TRIML2: variants seen among roughly 807,000 people sequenced by gnomAD.
TRIML2 encodes tripartite motif family like 2.
In TRIML2, 28 loss-of-function variants were observed where a neutral mutation model predicts 31.2. The ratio of observed to expected loss-of-function variants is 0.90; its 90% confidence interval spans 0.66 to 1.23. The LOEUF (loss-of-function observed/expected upper bound fraction) is 1.23. Among genes scored for constraint, TRIML2 ranks in the 50% most tolerant of loss-of-function variants. The pLI is 0.00. For synonymous variants in TRIML2, 187 were observed against 197.5 expected, an observed-to-expected ratio of 0.95 and a Z score of 0.45; for missense variants, 536 against 528.3, an observed-to-expected ratio of 1.01 and a Z score of -0.14.
chr4:188,107,676 A>C (rs1734097403), intron 1 of TRIML2, among the ~76,000 whole-genome samples: 1 of 152,188 alleles, frequency 6.6e-6, no homozygotes, highest in South Asian at 2.1e-4. Context: ...TTATATTATT[A>C]ATATGTCTAA....
rs765614461 is a variant in TRIML2 at position 188,101,126 on chromosome 4, C to G, written c.410G>C (p.Arg137Thr). 3 of 1,613,846 alleles carry G rather than the reference C, an allele frequency of 1.9e-6. No individual in the cohort carries two copies. Among genetic ancestry groups the G allele is most frequent in the Non-Finnish European group, 2.5e-6 (3 of 1,179,926 alleles). The change falls in exon 4 of 8, where the codon AGA (arginine) becomes ACA (threonine). Residue 137 changes from arginine to threonine, a missense_variant. By Grantham distance (71) the Arg-to-Thr change is moderately conservative. Coordinates refer to ENST00000682553, the MANE Select transcript of TRIML2 (RefSeq NM_173553.4). ...QQECISDLNL[R>T]ETLLNQAIKL... is the part of the protein sequence containing the mutation. The stretch of plus-strand genomic sequence containing the variant: ...GATCGCTTGATTCAGAAGGGTTTCT[C>G]TCAGGTTCAAGTCAGATATGCATTC...
At chr4:188,100,701 A>T (rs755625641) in intron 4 of TRIML2, among the ~76,000 whole-genome samples, 8 of 152,070 alleles carry the variant, frequency 5.3e-5, no homozygotes, top group Non-Finnish European at 1.2e-4. Flanking sequence ...CAGCCTGGAG[A>T]CAGAGCCAGA....
At chr4:188,092,705 A>G in intron 7 of TRIML2, 1 of 448,898 alleles carries the variant, frequency 2.2e-6, no homozygotes, top group Non-Finnish European at 4.5e-6. Context: ...ATTGCTGACA[A>G]CAGGCCCTGG....
Position 188,097,140 on chromosome 4 carries a change from C to T in TRIML2, c.666G>A (p.Glu222=). 1 of 1,614,084 alleles carries T rather than the reference C, an allele frequency of 6.2e-7. No individual in the cohort carries two copies. The change falls in exon 7 of 8, where the codon GAG becomes GAA. Residue 222 remains glutamate, a synonymous_variant. Transcript: ENST00000682553. ...CTGTGATATGAGCGGGCTCCAGATG[C>T]TCAAGCAGCAGTGACTTGCTCCTGA... ...SLERSKSLLL[E]HLEPAHITDL...
intron 3 of TRIML2, among the ~76,000 whole-genome samples, chr4:188,103,005 G>GTTTTTTTTT (rs145048322): frequency 2.0e-5 from 2 of 97,844 alleles, no homozygotes; most frequent in Non-Finnish European, 1.9e-5. Flanking sequence ...TACTCTCTTG[G>GTTTTTTTTT]TTTTTTTTTT....
intron 4 of TRIML2, among the ~76,000 whole-genome samples, chr4:188,100,419 C>T (rs1405544777): frequency 6.6e-6 from 1 of 152,162 alleles, no homozygotes; most frequent in Non-Finnish European, 1.5e-5. Flanking sequence ...CTCCATTCAT[C>T]CGGCTTCAAA....
intron 5 of TRIML2, among the ~76,000 whole-genome samples, chr4:188,097,663 A>C (rs993071798): frequency 1.4e-4 from 21 of 152,132 alleles, no homozygotes; most frequent in African/African-American, 4.6e-4. Flanking sequence ...AGAGTTCAGC[A>C]GGTGAAGGGG....
chr4:188,098,166 G>A (rs1353182484), intron 5 of TRIML2: 6 of 352,152 alleles, frequency 1.7e-5, no homozygotes, highest in Admixed American at 3.5e-5. Flanking sequence ...GAAAGGCAAC[G>A]TATGTTACTA....
Position 188,101,351 on chromosome 4 carries a change from A to G in TRIML2, c.286-101T>C. The G allele has an allele frequency of 8.0e-6, 5 of 628,734 alleles. No individual in the cohort carries two copies. In the East Asian group the frequency reaches 1.4e-4, roughly 18 times the overall value. The allele number at this position is 628,734 out of a possible 1,614,324, so 38.9% of individuals were successfully genotyped here. A position where few individuals can be genotyped will look rare whatever the true frequency, so the allele number is the denominator to read the frequency against. Reference sequence around the variant, plus strand: ...GATATCTATATCTATATATAGATATATATATCTTACACTGACCACAATGTA... The same window carrying G: ...GATATCTATATCTATATATAGATATGTATATCTTACACTGACCACAATGTA... On this transcript the variant is annotated intron_variant, in intron 3 of 7. Coordinates refer to ENST00000682553, the MANE Select transcript of TRIML2 (RefSeq NM_173553.4).
intron 4 of TRIML2, among the ~76,000 whole-genome samples, chr4:188,100,808 TGTAA>T (rs1733752866): frequency 6.6e-6 from 1 of 152,184 alleles, no homozygotes; most frequent in African/African-American, 2.4e-5. Context: ...TTTCTATGTG[TGTAA>T]GTATGTTTGA....
chr4:188,092,030 G>C, intron 7 of TRIML2, 89 bp from the exon 8 acceptor site: 1 of 1,366,264 alleles, frequency 7.3e-7, no homozygotes, highest in Non-Finnish European at 1.0e-6. Flanking sequence ...GCTTCCCACT[G>C]AGTGGGCACA....
Position 188,091,839 on chromosome 4 carries a change from T to C in TRIML2, c.848A>G (p.Asn283Ser), listed in dbSNP as rs761288175. 2.5e-6 allele frequency: 4 copies of C among 1,614,132 alleles called. No homozygotes were observed. The highest frequency in any genetic ancestry group is 3.4e-6 in the Non-Finnish European group (4 of 1,180,030). ...LRHGQQDGAGNPERLDFSAMV... is the reference protein window; with the variant it reads ...LRHGQQDGAGSPERLDFSAMV... ...GGCACTGAAATCCAATCTTTCTGGG[T>C]TGCCAGCCCCATCCTGCTGCCCATG... Residue 283 changes from asparagine (N) to serine (S), a missense_variant, in exon 8 of 8, where the codon AAC (asparagine) becomes AGC (serine). Asn to Ser is a conservative substitution (Grantham distance 46, BLOSUM62 1). Transcript: ENST00000682553.
In TRIML2 at chr4:188,093,510, C is replaced by T. The variant is rs183543274; in HGVS notation, c.746-1569G>A. 1.7e-4 allele frequency among the ~76,000 whole-genome samples: 26 copies of T among 152,010 alleles called. 1 individual carries two copies. Among genetic ancestry groups the T allele is most frequent in the African/African-American group, 6.3e-4 (26 of 41,486 alleles). On this transcript the variant is annotated intron_variant, in intron 7 of 7. Transcript: ENST00000682553. ...CGAAACCCCATCTCTACTAAAATTACAAAAATCAGCCAGGCCTGGTGGCGG... is the reference window on the plus strand; with the variant it reads ...CGAAACCCCATCTCTACTAAAATTATAAAAATCAGCCAGGCCTGGTGGCGG...
At chr4:188,092,745 A>T (rs1470908455) in intron 7 of TRIML2, 3 of 454,270 alleles carry the variant, frequency 6.6e-6, no homozygotes, top group African/African-American at 6.0e-5. Flanking sequence ...ATAATTTATC[A>T]GCGGAGGATG....
chr4:188,096,933 A>G, intron 7 of TRIML2, 128 bp downstream of exon 7: 1 of 720,528 alleles, frequency 1.4e-6, no homozygotes, highest in East Asian at 2.6e-5. Flanking sequence ...CTGGGATTAC[A>G]GGAGTGACCC....
chr4:188,093,085 AC>A, intron 7 of TRIML2: 1 of 346,590 alleles, frequency 2.9e-6, no homozygotes, highest in Non-Finnish European at 5.7e-6. Flanking sequence ...TGGAACTTCA[AC>A]GCCAGCCCTC....
intron 3 of TRIML2, among the ~76,000 whole-genome samples, chr4:188,103,201 C>G (rs368070782): frequency 2.0e-5 from 3 of 151,800 alleles, no homozygotes; most frequent in African/African-American, 7.3e-5. Context: ...GGGGTTTCAC[C>G]GTGTTAGCCA....
At chr4:188,104,606 G>A (rs1055941565) in intron 3 of TRIML2, among the ~76,000 whole-genome samples, 5 of 151,964 alleles carry the variant, frequency 3.3e-5, no homozygotes, top group Non-Finnish European at 7.4e-5. Flanking sequence ...CAAGTGATCC[G>A]CCCTCCTCAG....
chr4:188,106,378 A>G (rs902288387), intron 1 of TRIML2, among the ~76,000 whole-genome samples: 26 of 152,238 alleles, frequency 1.7e-4, no homozygotes, highest in Admixed American at 2.0e-4. Flanking sequence ...GAAGCCATCA[A>G]TTAAAGAGAT....
Sources: gnomAD v4.1 joint callset for allele counts (sites outside exome capture counted in the v4.1 genomes callset) on GRCh38, gnomAD v4.1.1 for gene constraint, MANE v1.5 for transcripts, NCBI Gene and HGNC (gene_info 2026-07-23, HGNC 2026-07-21) for gene names.